The following ZNF91 variants were observed in gnomAD, a reference collection of about 807,000 sequenced individuals.
ZNF91 encodes zinc finger protein 91, also known as zinc finger protein 91 (HPF7, HTF10).
In ZNF91, 7 loss-of-function variants were observed where a neutral mutation model predicts 12.6. The observed-to-expected ratio is 0.55, with a 90% CI of 0.31 to 1.04. The LOEUF (loss-of-function observed/expected upper bound fraction) is 1.04, where lower values mean the gene tolerates loss of function less well. ZNF91 is among the 50% of genes least tolerant of loss of function. The probability of loss-of-function intolerance (pLI) is 0.05; values close to 1 mark genes in which losing one functional copy is unlikely to be tolerated. For missense variants in ZNF91, 1,217 were observed against 1,385.4 expected, an observed-to-expected ratio of 0.88 and a Z score of 1.93; for synonymous variants, 453 against 462.6, an observed-to-expected ratio of 0.98 and a Z score of 0.27.
At chr19:23,320,171 T>G (rs1967658162) in intron 1 of ZNF91, among the ~76,000 whole-genome samples, 2 of 152,180 alleles carry the variant, frequency 1.3e-5, no homozygotes, top group South Asian at 4.1e-4. Flanking sequence ...TATGTGAACA[T>G]CTGGACACTT....
intron 3 of ZNF91, among the ~76,000 whole-genome samples, chr19:23,370,759 G>T (rs557162703): frequency 1.9e-3 from 291 of 152,208 alleles, no homozygotes; most frequent in Non-Finnish European, 2.2e-3. Context: ...TCCTGTCCTG[G>T]CCTCTCAAAA....
rs1197219879 is a variant in ZNF91 at position 23,323,171 on chromosome 19, TTC to T, written n.117-14076_117-14075del. Among the ~76,000 whole-genome samples the T allele has an allele frequency of 2.7e-5, 4 of 146,114 alleles. No individual in the cohort carries two copies. The East Asian group carries it at 8.1e-4, about 29-fold the overall frequency. On this transcript the variant is annotated intron_variant and non_coding_transcript_variant, in intron 1 of 1. Transcript: ENST00000596528. ...TTCGCCTCTCCTCCTCTCCACCTTTTTCTCTTCCTCCTTCTCCTATCCACATT... is the reference window on the plus strand; with the variant it reads ...TTCGCCTCTCCTCCTCTCCACCTTTTTCTTCCTCCTTCTCCTATCCACATT...
chr19:23,345,313 T>C (rs1968201802), intron 3 of ZNF91, among the ~76,000 whole-genome samples: 1 of 152,176 alleles, frequency 6.6e-6, no homozygotes, highest in Non-Finnish European at 1.5e-5. Context: ...TAAAAAAACC[T>C]ACAAACCTCA....
chr19:23,339,178 G>GA (rs1023844486), intron 3 of ZNF91: 1 of 151,844 alleles, frequency 6.6e-6, no homozygotes, highest in African/African-American at 2.4e-5. Flanking sequence ...AAATGGGGGG[G>GA]AATATATTAA....
At chr19:23,341,742 A>T (rs1261874971) in intron 3 of ZNF91, among the ~76,000 whole-genome samples, 3 of 152,222 alleles carry the variant, frequency 2.0e-5, no homozygotes, top group African/African-American at 7.2e-5. Context: ...AACATCTGTC[A>T]TTCATGTTCC....
At chr19:23,311,717 C>T (rs977631268), upstream of ZNF91, among the ~76,000 whole-genome samples, 1 of 152,050 alleles carries the variant, frequency 6.6e-6, no homozygotes, top group African/African-American at 2.4e-5. Context: ...TGAGCCTGCT[C>T]AGCAGGTGAT....
rs969436558 is a variant in ZNF91 at position 23,395,270 on chromosome 19, C to G, written c.30+55G>C. On this transcript the variant is annotated intron_variant, in intron 1 of 3. Coordinates refer to ENST00000300619, the MANE Select transcript of ZNF91 (RefSeq NM_003430.4). ...TGAGGCTCGCCACAGCCGCATCCCA[C>G]CGGTTTCAACGAGCCCCGTTCCCTC... 5.6e-6 allele frequency: 9 copies of G among 1,601,850 alleles called. No homozygotes were observed. In the African/African-American group the frequency reaches 1.2e-4, roughly 22 times the overall value.
In ZNF91 at chr19:23,332,799, T is replaced by G. The variant is rs150249203; in HGVS notation, n.117-23702A>C. ...TGGACTGAGGGGCTTGCATAGGTCGTGTTACTACATGAACTGACTGACTTG... is the reference window on the plus strand; with the variant it reads ...TGGACTGAGGGGCTTGCATAGGTCGGGTTACTACATGAACTGACTGACTTG... On this transcript the variant is annotated intron_variant and non_coding_transcript_variant, in intron 1 of 1. Transcript: ENST00000596528. 2.0e-3 allele frequency among the ~76,000 whole-genome samples: 307 copies of G among 152,298 alleles called. 3 individuals carry two copies. The highest frequency in any genetic ancestry group is 7.2e-3 in the African/African-American group (299 of 41,582).
At chr19:23,344,527 A>G (rs920595797) in intron 3 of ZNF91, among the ~76,000 whole-genome samples, 1 of 152,240 alleles carries the variant, frequency 6.6e-6, no homozygotes, top group Admixed American at 6.5e-5. Context: ...TCTAGAAGAC[A>G]CATTTCTTTG....
chr19:23,316,825 G>A (rs779972545), intron 1 of ZNF91, among the ~76,000 whole-genome samples: 1 of 152,118 alleles, frequency 6.6e-6, no homozygotes, highest in Non-Finnish European at 1.5e-5. Flanking sequence ...GGAACAGAAT[G>A]CCATCACAGA....
downstream of ZNF91, among the ~76,000 whole-genome samples, chr19:23,354,031 C>A (rs373212294): frequency 1.8e-4 from 28 of 152,186 alleles, no homozygotes; most frequent in African/African-American, 6.5e-4. Context: ...GAATTACTAC[C>A]AATTCTTTTG....
intron 1 of ZNF91, among the ~76,000 whole-genome samples, chr19:23,317,934 A>T (rs536776563): frequency 6.6e-6 from 1 of 152,328 alleles, no homozygotes; most frequent in South Asian, 2.1e-4. Flanking sequence ...ATCTTTCTGC[A>T]TGTGAGATTG....
At chr19:23,376,640 C>T (rs1395513783) in intron 1 of ZNF91, among the ~76,000 whole-genome samples, 1 of 152,110 alleles carries the variant, frequency 6.6e-6, no homozygotes, top group Non-Finnish European at 1.5e-5. Context: ...CTGCCCGCCT[C>T]GGCCTCCCAA....
intron 3 of ZNF91, among the ~76,000 whole-genome samples, chr19:23,349,394 A>AAACAGAAAAT (rs1243728458): frequency 5.1e-4 from 78 of 152,156 alleles, no homozygotes; most frequent in Admixed American, 5.1e-3. Context: ...CACTTAGGGA[A>AAACAGAAAAT]AACAGAAAAT....
rs769274115 is a variant in ZNF91 at position 23,359,393 on chromosome 19, T to C, written c.*10A>G. ...GCCCGCCACCACGCCCGGCTAATTT[T>C]TTGTATTTTTTAGTAGAGAAGGGGT... On this transcript the variant is annotated 3_prime_UTR_variant, in exon 4 of 4. Transcript: ENST00000300619. The C allele has an allele frequency of 1.0e-6, 1 of 964,812 alleles. No homozygotes were observed. Among genetic ancestry groups the C allele is most frequent in the Non-Finnish European group, 1.6e-6 (1 of 643,114 alleles). The allele number at this position is 964,812 out of a possible 1,614,324, so 59.8% of individuals were successfully genotyped here. A position where few individuals can be genotyped will look rare whatever the true frequency, so the allele number is the denominator to read the frequency against.
chr19:23,343,307 G>GA (rs1404282811), intron 3 of ZNF91, among the ~76,000 whole-genome samples: 5 of 152,110 alleles, frequency 3.3e-5, no homozygotes, highest in African/African-American at 4.8e-5. Flanking sequence ...TCTGAGATGA[G>GA]ACCTGAGTTA....
chr19:23,373,390 A>ATAT (rs1555743078), intron 3 of ZNF91, among the ~76,000 whole-genome samples: 4 of 141,642 alleles, frequency 2.8e-5, no homozygotes, highest in South Asian at 2.2e-4. Context: ...ATATATAAAT[A>ATAT]AACAGTACTT....
upstream of ZNF91, among the ~76,000 whole-genome samples, chr19:23,312,200 G>A (rs1346739825): frequency 1.3e-5 from 2 of 152,086 alleles, no homozygotes; most frequent in Non-Finnish European, 2.9e-5. Flanking sequence ...CCTCAGAGAC[G>A]GTTGCAAATA....
rs1969599288 is a variant in ZNF91 at position 23,378,861 on chromosome 19, A to G, written c.31-4097T>C. On this transcript the variant is annotated intron_variant, in intron 1 of 3. Transcript: ENST00000300619. Reference sequence around the variant, plus strand: ...TGCTTCATCTATTTTTCTAATGACTATATGAATTGGAAGCAATTAGTTTAT... The same window carrying G: ...TGCTTCATCTATTTTTCTAATGACTGTATGAATTGGAAGCAATTAGTTTAT... 2.0e-5 allele frequency among the ~76,000 whole-genome samples: 3 copies of G among 152,168 alleles called. No individual in the cohort carries two copies. The East Asian group carries it at 5.8e-4, about 29-fold the overall frequency.
Sources: gnomAD v4.1 joint callset for allele counts (sites outside exome capture counted in the v4.1 genomes callset) on GRCh38, gnomAD v4.1.1 for gene constraint, MANE v1.5 for transcripts, NCBI Gene and HGNC (gene_info 2026-07-23, HGNC 2026-07-21) for gene names.